The following GOLGA5 variants were observed in gnomAD, a reference collection of about 807,000 sequenced individuals.
GOLGA5 encodes the protein golgin A5.
A neutral mutation model predicts 93.5 loss-of-function variants in GOLGA5; 50 were observed. The ratio of observed to expected loss-of-function variants is 0.53; its 90% CI spans 0.43 to 0.68. The LOEUF is 0.68. GOLGA5 is among the 30% of genes least tolerant of loss of function. The probability of loss-of-function intolerance (pLI) is 0.00; values close to 1 mark genes in which losing one functional copy is unlikely to be tolerated. For missense variants in GOLGA5, 760 were observed against 856.4 expected (o/e 0.89, Z 1.40); for synonymous variants, 312 against 304.5 (o/e 1.02, Z -0.26).
chr14:92,805,343 A>T (rs1884962247), intron 2 of GOLGA5, among the ~76,000 whole-genome samples: 1 of 152,024 alleles, frequency 6.6e-6, no homozygotes, highest in Admixed American at 6.6e-5. Context: ...ATTCTGTTTT[A>T]TTATGTAGTA....
intron 9 of GOLGA5, among the ~76,000 whole-genome samples, chr14:92,828,918 G>C (rs533974783): frequency 6.6e-6 from 1 of 152,108 alleles, no homozygotes; most frequent in South Asian, 2.1e-4. Context: ...ATCCACCTGC[G>C]TCAGCGTCCC....
In GOLGA5 at chr14:92,839,583, G is replaced by A. The variant is rs1885716951; in HGVS notation, c.*137G>A. The stretch of plus-strand genomic sequence containing the variant: ...CAAGCTTTTAACTTTTTAAGTTATT[G>A]TACAAGTATTCTACCTAAATCTTCC... On this transcript the variant is annotated 3_prime_UTR_variant, in exon 13 of 13. Coordinates refer to ENST00000163416, the MANE Select transcript of GOLGA5 (RefSeq NM_005113.4). 3.3e-6 allele frequency: 2 copies of A among 609,358 alleles called. No individual in the cohort carries two copies. Among genetic ancestry groups the A allele is most frequent in the Non-Finnish European group, 5.8e-6 (2 of 343,720 alleles). The allele number at this position is 609,358 out of a possible 1,614,324, so 37.7% of individuals were successfully genotyped here.
intron 2 of GOLGA5, among the ~76,000 whole-genome samples, chr14:92,798,721 G>C (rs1884794278): frequency 6.6e-6 from 1 of 152,168 alleles, no homozygotes; most frequent in Non-Finnish European, 1.5e-5. Context: ...TTTGAGACCA[G>C]CCTAAACAAC....
intron 9 of GOLGA5, among the ~76,000 whole-genome samples, chr14:92,829,423 A>G (rs1885483782): frequency 6.6e-6 from 1 of 152,170 alleles, no homozygotes; most frequent in South Asian, 2.1e-4. Context: ...CAGAATATCA[A>G]CATTAACAGG....
At chr14:92,830,940 G>A (rs1024768345) in intron 9 of GOLGA5, among the ~76,000 whole-genome samples, 4 of 152,052 alleles carry the variant, frequency 2.6e-5, no homozygotes, top group Non-Finnish European at 5.9e-5. Context: ...CAAAAAATTC[G>A]TGTGACTGAC....
intron 10 of GOLGA5, among the ~76,000 whole-genome samples, chr14:92,833,822 G>C (rs1479035485): frequency 6.6e-6 from 1 of 152,030 alleles, no homozygotes; most frequent in Non-Finnish European, 1.5e-5. Flanking sequence ...TTTTAATCTT[G>C]GAACTTCGTA....
At chr14:92,834,005 T>A (rs1566961683) in intron 10 of GOLGA5, among the ~76,000 whole-genome samples, 1 of 151,318 alleles carries the variant, frequency 6.6e-6, no homozygotes, top group African/African-American at 2.4e-5. Flanking sequence ...TTTTTTTTTT[T>A]AATGTATAAT....
intron 6 of GOLGA5, among the ~76,000 whole-genome samples, chr14:92,814,376 A>G (rs1566956081): frequency 6.6e-6 from 1 of 152,152 alleles, no homozygotes. Context: ...CACCAACCAC[A>G]GCACGCGGCT....
chr14:92,809,644 A>C (rs2140319204), intron 4 of GOLGA5, 125 bp downstream of exon 4: 1 of 673,484 alleles, frequency 1.5e-6, no homozygotes, highest in East Asian at 2.7e-5. Context: ...GTAGTGTTAG[A>C]AATGTGTATG....
At chr14:92,816,719 G>A (rs937880940) in intron 7 of GOLGA5, among the ~76,000 whole-genome samples, 1 of 151,970 alleles carries the variant, frequency 6.6e-6, no homozygotes, top group Non-Finnish European at 1.5e-5. Context: ...ATGCCATCAC[G>A]CCCAGCTAAT....
intron 3 of GOLGA5, among the ~76,000 whole-genome samples, chr14:92,807,545 A>C (rs961891433): frequency 1.3e-5 from 2 of 152,186 alleles, no homozygotes; most frequent in African/African-American, 4.8e-5. Context: ...ACAAACTAGT[A>C]GTAGTCTAGT....
chr14:92,797,433 C>T lies in GOLGA5; in HGVS notation c.-5C>T, dbSNP rs1319547312. 2 of 1,595,952 alleles carry T rather than the reference C, an allele frequency of 1.3e-6. No homozygotes were observed. Among genetic ancestry groups the T allele is most frequent in the African/African-American group, 2.7e-5 (2 of 74,272 alleles). On this transcript the variant is annotated 5_prime_UTR_variant, in exon 2 of 13. Coordinates refer to ENST00000163416, the MANE Select transcript of GOLGA5 (RefSeq NM_005113.4). ...GTTTGCCAATAGGATTATCCTGCTG[C>T]CATCATGTCTTGGTTTGTTGATCTT...
At chr14:92,824,704 A>G (rs1885381571) in intron 9 of GOLGA5, 60 bp downstream of exon 9, 1 of 865,068 alleles carries the variant, frequency 1.2e-6, no homozygotes. Flanking sequence ...CATTTTTTTA[A>G]AAAGGACACA....
chr14:92,811,991 A>G (rs967359320), intron 6 of GOLGA5, among the ~76,000 whole-genome samples: 1 of 152,154 alleles, frequency 6.6e-6, no homozygotes, highest in Admixed American at 6.5e-5. Context: ...TCAACCTGTC[A>G]CCTTACTCAC....
rs375259318 is a variant in GOLGA5, at chr14:92,806,874, G to T, written c.683G>T (p.Arg228Leu). Residue 228 changes from arginine to leucine, a missense_variant, in exon 3 of 13, where the codon CGA becomes CTA. Physicochemically the swap from Arg to Leu is moderately radical, Grantham distance 102 (BLOSUM62 -2). Transcript: ENST00000163416. ...DGKSHELSNL[R>L]LENQLLRNEV... ...AAATCACATGAACTGTCTAACCTTCGACTGGAGAATCAGCTGCTGAGGAAT... is the reference window on the plus strand; with the variant it reads ...AAATCACATGAACTGTCTAACCTTCTACTGGAGAATCAGCTGCTGAGGAAT... 2 of 1,613,650 alleles carry T rather than the reference G, an allele frequency of 1.2e-6. No individual in the cohort carries two copies. The highest frequency in any genetic ancestry group is 2.2e-5 in the East Asian group (1 of 44,892).
Position 92,824,613 on chromosome 14 carries a change from G to T in GOLGA5, c.1688G>T (p.Arg563Leu). 1 of 1,600,332 alleles carries T rather than the reference G, an allele frequency of 6.2e-7. No homozygotes were observed. Among genetic ancestry groups the T allele is most frequent in the Non-Finnish European group, 8.5e-7 (1 of 1,169,706 alleles). Reference sequence around the variant, plus strand: ...ACATTGCAAAGCAGAATTAAAGATCGAGACGAAGAAATTCAAAAACTCAGG... The same window carrying T: ...ACATTGCAAAGCAGAATTAAAGATCTAGACGAAGAAATTCAAAAACTCAGG... ...KNTLQSRIKD[R>L]DEEIQKLRNQ... Residue 563 changes from arginine to leucine, a missense_variant, in exon 9 of 13, where the codon CGA (arginine) becomes CTA (leucine). Arg to Leu is a moderately radical substitution (Grantham distance 102). Coordinates refer to ENST00000163416, the MANE Select transcript of GOLGA5 (RefSeq NM_005113.4).
At chr14:92,835,700 C>A (rs781613008) in intron 11 of GOLGA5, 36 bp downstream of exon 11, 7 of 1,279,012 alleles carry the variant, frequency 5.5e-6, no homozygotes, top group Non-Finnish European at 8.0e-6. Context: ...GATGGACCAT[C>A]AGCTGTTTTT....
At chr14:92,810,474 G>T in intron 5 of GOLGA5, 97 bp downstream of exon 5, 1 of 850,384 alleles carries the variant, frequency 1.2e-6, no homozygotes, top group Middle Eastern at 2.4e-4. Flanking sequence ...ATATAATTCT[G>T]CAATGCATTT....
At chr14:92,833,026 A>G (rs1377370874) in intron 9 of GOLGA5, 96 bp from the exon 10 acceptor site, 6 of 746,838 alleles carry the variant, frequency 8.0e-6, no homozygotes, top group Non-Finnish European at 1.4e-5. Flanking sequence ...GAAATCAATG[A>G]ATGCCACAAT....
Sources: gnomAD v4.1 joint callset for allele counts (sites outside exome capture counted in the v4.1 genomes callset) on GRCh38, gnomAD v4.1.1 for gene constraint, MANE v1.5 for transcripts, NCBI Gene and HGNC (gene_info 2026-07-23, HGNC 2026-07-21) for gene names.